CCDC50: variants seen among roughly 807,000 people sequenced by gnomAD.
The protein encoded by CCDC50 is coiled-coil domain-containing protein 50.
In CCDC50, 54 loss-of-function variants were observed where a neutral mutation model predicts 70.2. The observed-to-expected ratio is 0.77, with a 90% CI of 0.62 to 0.96. CCDC50 has a LOEUF of 0.96. Among genes scored for constraint, CCDC50 ranks in the 50% least tolerant of loss-of-function variants. The pLI is 0.00. For synonymous variants in CCDC50, 216 were observed against 198.8 expected (o/e 1.09, Z -0.73); for missense variants, 558 against 578.7 (o/e 0.96, Z 0.37).
chr3:191,373,619 G>A (rs909660961), intron 5 of CCDC50, among the ~76,000 whole-genome samples: 1 of 152,062 alleles, frequency 6.6e-6, no homozygotes, highest in Non-Finnish European at 1.5e-5. Flanking sequence ...TGATTCTCAT[G>A]TTGTCACGAT....
Position 191,398,413 on chromosome 3 carries a change from G to T in CCDC50, c.*6653G>T, listed in dbSNP as rs1300418751. Reference sequence around the variant, plus strand: ...AGTCTTGTCCTTCTCTCTTAATAAAGTCATCCATTTGTTAAGTCAGTGGTC... The same window carrying T: ...AGTCTTGTCCTTCTCTCTTAATAAATTCATCCATTTGTTAAGTCAGTGGTC... On this transcript the variant is annotated 3_prime_UTR_variant, in exon 12 of 12. Transcript: ENST00000392455. 6.6e-6 allele frequency: 1 copy of T among 152,106 alleles called. No homozygotes were observed. The highest frequency in any genetic ancestry group is 3.2e-3 in the Middle Eastern group (1 of 316). The allele number at this position is 152,106 out of a possible 1,614,324, so 9.4% of individuals were successfully genotyped here.
Position 191,389,570 on chromosome 3 carries a change from G to A in CCDC50, c.1397G>A (p.Arg466Gln), listed in dbSNP as rs144361812. The stretch of plus-strand genomic sequence containing the variant: ...TTTACAAACCAGCAGAGTTCCACAC[G>A]GCATTTCTCAAAATCAGAGTCCTCT... ...THFTNQQSST[R>Q]HFSKSESSHK... Residue 466 changes from arginine to glutamine, a missense_variant, in exon 11 of 12, where the codon CGG (arginine) becomes CAG (glutamine). Physicochemically the swap from Arg to Gln is conservative, Grantham distance 43 (BLOSUM62 1). Transcript: ENST00000392455. 7.4e-6 allele frequency: 12 copies of A among 1,613,722 alleles called. No homozygotes were observed. Among genetic ancestry groups the A allele is most frequent in the East Asian group, 6.7e-5 (3 of 44,872 alleles).
chr3:191,378,420 G>A (rs1713190379), intron 6 of CCDC50, among the ~76,000 whole-genome samples: 1 of 152,082 alleles, frequency 6.6e-6, no homozygotes, highest in Non-Finnish European at 1.5e-5. Flanking sequence ...CATAATAGTG[G>A]AGAAAATTTG....
intron 1 of CCDC50, among the ~76,000 whole-genome samples, chr3:191,331,355 G>A (rs1717977767): frequency 2.0e-5 from 3 of 152,068 alleles, no homozygotes; most frequent in Non-Finnish European, 4.4e-5. Flanking sequence ...TTCTGATTTC[G>A]TACCAAGACA....
At chr3:191,383,473 G>A (rs1409059748) in intron 10 of CCDC50, among the ~76,000 whole-genome samples, 1 of 151,768 alleles carries the variant, frequency 6.6e-6, no homozygotes, top group Non-Finnish European at 1.5e-5. Flanking sequence ...TGATTGGAAT[G>A]TGAAGAAAAA....
intron 10 of CCDC50, among the ~76,000 whole-genome samples, chr3:191,387,459 T>A (rs1192736890): frequency 6.6e-6 from 1 of 151,460 alleles, no homozygotes; most frequent in Non-Finnish European, 1.5e-5. Context: ...AAAACAATTG[T>A]CTCAGGTATA....
chr3:191,352,113 G>T (rs1387349180), intron 1 of CCDC50, among the ~76,000 whole-genome samples: 2 of 141,896 alleles, frequency 1.4e-5, no homozygotes, highest in African/African-American at 2.5e-5. Flanking sequence ...TGACTTCAAA[G>T]AATTTTCTTT....
At position 191,350,680 on chromosome 3, in the gene CCDC50, A is replaced by T. The variant is rs79988865; in HGVS notation, c.50-6408A>T. 3.6e-4 allele frequency among the ~76,000 whole-genome samples: 51 copies of T among 141,898 alleles called. 3 individuals are homozygous for T. Among genetic ancestry groups the T allele is most frequent in the African/African-American group, 1.2e-3 (48 of 39,854 alleles). The allele number at this position is 141,898 out of a possible 152,430, so 93.1% of individuals were successfully genotyped here. ...GAAAGGAACGTGTAGCCGTTCATGG[A>T]ATCAGAAAATTCTGGCTTTGGTTGA... On this transcript the variant is annotated intron_variant, in intron 1 of 11. Transcript: ENST00000392455.
chr3:191,342,140 C>T (rs1469825078), intron 1 of CCDC50, among the ~76,000 whole-genome samples: 1 of 152,182 alleles, frequency 6.6e-6, no homozygotes, highest in Non-Finnish European at 1.5e-5. Flanking sequence ...AAGATTTACA[C>T]ATTTGTTTTC....
At chr3:191,367,918 A>C (rs116555060) in intron 4 of CCDC50, among the ~76,000 whole-genome samples, 1 of 152,078 alleles carries the variant, frequency 6.6e-6, no homozygotes, top group African/African-American at 2.4e-5. Flanking sequence ...AGAATAGGCT[A>C]TCTGTCCCGT....
intron 1 of CCDC50, among the ~76,000 whole-genome samples, chr3:191,340,332 G>A (rs1322902741): frequency 1.3e-5 from 2 of 152,138 alleles, no homozygotes; most frequent in African/African-American, 2.4e-5. Context: ...TTATATTTCT[G>A]TAAATTGGGC....
intron 4 of CCDC50, among the ~76,000 whole-genome samples, chr3:191,365,415 A>G (rs17810282): frequency 0.32 from 48,173 of 151,814 alleles, 7,645 homozygotes; most frequent in Non-Finnish European, 0.32. Context: ...CAGTAATACC[A>G]TTTAGCTATT....
chr3:191,384,953 T>C (rs1713438852), intron 10 of CCDC50, among the ~76,000 whole-genome samples: 1 of 152,230 alleles, frequency 6.6e-6, no homozygotes, highest in Non-Finnish European at 1.5e-5. Context: ...TCACATAGGA[T>C]AATGCCCTCC....
In CCDC50 at chr3:191,329,574, T is replaced by G; in HGVS notation, c.-101T>G. On this transcript the variant is annotated 5_prime_UTR_variant, in exon 1 of 12. Coordinates refer to ENST00000392455, the MANE Select transcript of CCDC50 (RefSeq NM_178335.3). Reference sequence around the variant, plus strand: ...GCCTGCGAGCCCTGCCGGCCGGACTTTGCGCCGCGTCCGGCGCTGCTGCTG... The same window carrying G: ...GCCTGCGAGCCCTGCCGGCCGGACTGTGCGCCGCGTCCGGCGCTGCTGCTG... 1 of 1,273,476 alleles carries G rather than the reference T, an allele frequency of 7.9e-7. No individual in the cohort carries two copies. The highest frequency in any genetic ancestry group is 1.1e-6 in the Non-Finnish European group (1 of 923,806). 78.9% of individuals were successfully genotyped at this position (1,273,476 alleles called of 1,614,324 possible).
In CCDC50 at chr3:191,391,858, C is replaced by A; in HGVS notation, c.*98C>A. The A allele has an allele frequency of 9.3e-7, 1 of 1,074,806 alleles. No homozygotes were observed. The highest frequency in any genetic ancestry group is 1.4e-6 in the Non-Finnish European group (1 of 709,600). The allele number at this position is 1,074,806 out of a possible 1,614,324, so 66.6% of individuals were successfully genotyped here. On this transcript the variant is annotated 3_prime_UTR_variant, in exon 12 of 12. Transcript: ENST00000392455. ...ACTTACTTTTTTTCTCCTGTGTTTG[C>A]ATTCCTGGGATTTATCCTCAAGTGC...
chr3:191,331,143 G>C (rs2018996), intron 1 of CCDC50, among the ~76,000 whole-genome samples: 40,795 of 151,932 alleles, frequency 0.27, 5,747 homozygotes, highest in Admixed American at 0.32. Context: ...TTTTTGTGTG[G>C]GTATGTGTTG....
At chr3:191,367,347 T>G (rs1446207258) in intron 4 of CCDC50, among the ~76,000 whole-genome samples, 1 of 152,066 alleles carries the variant, frequency 6.6e-6, no homozygotes, top group Non-Finnish European at 1.5e-5. Flanking sequence ...TAAGCAATTC[T>G]ATGAATAGGA....
In CCDC50 at chr3:191,396,040, A is replaced by G. The variant is rs115538371; in HGVS notation, c.*4280A>G. 5.3e-5 allele frequency: 8 copies of G among 152,320 alleles called. No individual in the cohort carries two copies. Among genetic ancestry groups the G allele is most frequent in the African/African-American group, 1.9e-4 (8 of 41,586 alleles). The allele number at this position is 152,320 out of a possible 1,614,324, so 9.4% of individuals were successfully genotyped here. A position where few individuals can be genotyped will look rare whatever the true frequency, so the allele number is the denominator to read the frequency against. ...CTTTTATCCATGGCGAGAGGTAAGA[A>G]TATTAAAGAGTCAGGATATTGTTGC... On this transcript the variant is annotated 3_prime_UTR_variant, in exon 12 of 12. Coordinates refer to ENST00000392455, the MANE Select transcript of CCDC50 (RefSeq NM_178335.3).
At chr3:191,362,970 G>A (rs563464007) in intron 4 of CCDC50, among the ~76,000 whole-genome samples, 2 of 152,160 alleles carry the variant, frequency 1.3e-5, no homozygotes, top group South Asian at 4.2e-4. Flanking sequence ...GATGACACTG[G>A]GAACTAAAAG....
Sources: allele counts gnomAD v4.1 joint callset (sites outside exome capture counted in the v4.1 genomes callset), GRCh38; gene constraint gnomAD v4.1.1; transcripts MANE v1.5; gene names NCBI Gene and HGNC (gene_info 2026-07-23, HGNC 2026-07-21).